Variants in CADPS2 observed in about 807,000 individuals in gnomAD.
CADPS2 encodes the protein calcium dependent secretion activator 2.
A neutral mutation model predicts 172.5 loss-of-function variants in CADPS2; 93 were observed. The ratio of observed to expected loss-of-function variants is 0.54; its 90% confidence interval spans 0.46 to 0.64. CADPS2 has a LOEUF of 0.64. Among genes scored for constraint, CADPS2 ranks in the 30% least tolerant of loss-of-function variants. CADPS2 has a pLI of 0.00. For missense variants in CADPS2, 1,420 were observed against 1,565.9 expected (o/e 0.91, Z 1.57); for synonymous variants, 546 against 555.2 (o/e 0.98, Z 0.23).
chr7:122,787,236 C>A (rs1000140320), intron 1 of CADPS2, among the ~76,000 whole-genome samples: 5 of 152,104 alleles, frequency 3.3e-5, no homozygotes, highest in Admixed American at 6.6e-5. Flanking sequence ...ACCCCCAACC[C>A]CAAGAAAAAG....
intron 15 of CADPS2, among the ~76,000 whole-genome samples, chr7:122,444,763 A>C (rs1164997913): frequency 6.6e-6 from 1 of 152,196 alleles, no homozygotes; most frequent in African/African-American, 2.4e-5. Flanking sequence ...TTTTATTCTA[A>C]CAATGTCTTT....
intron 7 of CADPS2, among the ~76,000 whole-genome samples, chr7:122,557,225 T>A (rs986528068): frequency 3.9e-5 from 6 of 152,168 alleles, no homozygotes; most frequent in Admixed American, 1.3e-4. Context: ...AAAGTGGTCA[T>A]ACTCCTTTAT....
At chr7:122,639,900 C>T (rs1277364280) in intron 3 of CADPS2, among the ~76,000 whole-genome samples, 1 of 152,146 alleles carries the variant, frequency 6.6e-6, no homozygotes, top group Non-Finnish European at 1.5e-5. Context: ...TAAGCAGCAT[C>T]TAGTCTCTGA....
At chr7:122,371,480 C>T (rs1163942438) in intron 25 of CADPS2, among the ~76,000 whole-genome samples, 1 of 152,168 alleles carries the variant, frequency 6.6e-6, no homozygotes, top group Non-Finnish European at 1.5e-5. Context: ...GACTCACTCA[C>T]TATCATGAGA....
At chr7:122,530,954 T>C (rs1330217890) in intron 8 of CADPS2, among the ~76,000 whole-genome samples, 1 of 152,118 alleles carries the variant, frequency 6.6e-6, no homozygotes, top group African/African-American at 2.4e-5. Context: ...TTCACATGTA[T>C]AGAATGCCAT....
chr7:122,754,135 C>T (rs955456899), intron 1 of CADPS2, among the ~76,000 whole-genome samples: 4 of 152,168 alleles, frequency 2.6e-5, no homozygotes, highest in African/African-American at 9.7e-5. Flanking sequence ...TCTTTGTTTA[C>T]ATGCAAATGT....
chr7:122,735,997 G>A (rs1297278235), intron 2 of CADPS2, among the ~76,000 whole-genome samples: 1 of 152,118 alleles, frequency 6.6e-6, no homozygotes, highest in Non-Finnish European at 1.5e-5. Context: ...ACAAGGTCCA[G>A]TTGGACATAC....
At chr7:122,379,286 A>G (rs1220508568) in intron 25 of CADPS2, 82 bp downstream of exon 25, 1 of 885,728 alleles carries the variant, frequency 1.1e-6, no homozygotes. Flanking sequence ...TTTTTTCTCA[A>G]TTAGATATTT....
intron 1 of CADPS2, among the ~76,000 whole-genome samples, chr7:122,845,847 G>A (rs532758546): frequency 6.6e-6 from 1 of 152,284 alleles, no homozygotes; most frequent in Non-Finnish European, 1.5e-5. Context: ...GCACCAATCT[G>A]AGATTCCATC....
intron 1 of CADPS2, among the ~76,000 whole-genome samples, chr7:122,829,722 G>A (rs1315689657): frequency 1.3e-5 from 2 of 151,576 alleles, no homozygotes; most frequent in Non-Finnish European, 1.5e-5. Context: ...TTTGAAAGGT[G>A]TCTTTTAAGA....
intron 2 of CADPS2, among the ~76,000 whole-genome samples, chr7:122,719,001 T>C (rs563259384): frequency 6.7e-6 from 1 of 148,772 alleles, no homozygotes; most frequent in Admixed American, 6.7e-5. Flanking sequence ...TGACATCCTA[T>C]GCCATAAATG....
intron 9 of CADPS2, among the ~76,000 whole-genome samples, chr7:122,508,875 G>T (rs995731854): frequency 6.6e-6 from 1 of 152,136 alleles, no homozygotes; most frequent in Non-Finnish European, 1.5e-5. Context: ...AGTGCTGGCA[G>T]GAGTGTTGAA....
intron 1 of CADPS2, among the ~76,000 whole-genome samples, chr7:122,796,219 C>T (rs913140038): frequency 1.3e-5 from 2 of 152,102 alleles, no homozygotes; most frequent in Non-Finnish European, 2.9e-5. Flanking sequence ...ATGACACAAA[C>T]AAATAGGAAA....
intron 11 of CADPS2, among the ~76,000 whole-genome samples, chr7:122,488,495 T>C (rs769060759): frequency 1.3e-5 from 2 of 152,242 alleles, no homozygotes; most frequent in Non-Finnish European, 2.9e-5. Context: ...CATAGGTGTC[T>C]GGAGTTGATC....
intron 2 of CADPS2, among the ~76,000 whole-genome samples, chr7:122,664,721 A>G (rs1388001860): frequency 6.6e-6 from 1 of 152,222 alleles, no homozygotes; most frequent in Non-Finnish European, 1.5e-5. Flanking sequence ...CTGCAGGACA[A>G]TTTAATAGAA....
chr7:122,386,342 G>A lies in CADPS2; in HGVS notation c.3312+684C>T, dbSNP rs958941377. 5.2e-6 allele frequency: 7 copies of A among 1,347,230 alleles called. No homozygotes were observed. In the African/African-American group the frequency reaches 9.1e-5, roughly 18 times the overall value. 83.5% of individuals were successfully genotyped at this position (1,347,230 alleles called of 1,614,324 possible). On this transcript the variant is annotated intron_variant, in intron 24 of 29. Transcript: ENST00000449022. ...ATGCCATGGGTGGAAAAAAAAAGATGATGAAAGAGAACAGAAGGGAAGAAT... is the reference window on the plus strand; with the variant it reads ...ATGCCATGGGTGGAAAAAAAAAGATAATGAAAGAGAACAGAAGGGAAGAAT...
intron 1 of CADPS2, among the ~76,000 whole-genome samples, chr7:122,780,955 T>C (rs1036054657): frequency 6.6e-6 from 1 of 152,222 alleles, no homozygotes; most frequent in Non-Finnish European, 1.5e-5. Context: ...GGATTAAGTT[T>C]CATATGTGGG....
At chr7:122,778,974 T>C (rs1360579614) in intron 1 of CADPS2, among the ~76,000 whole-genome samples, 1 of 152,090 alleles carries the variant, frequency 6.6e-6, no homozygotes, top group African/African-American at 2.4e-5. Flanking sequence ...GCAGTGGGTT[T>C]TTCCCATGCT....
At chr7:122,364,726 C>CA (rs376223248) in intron 25 of CADPS2, among the ~76,000 whole-genome samples, 83,745 of 137,042 alleles carry the variant, frequency 0.61, 24,346 homozygotes, top group African/African-American at 0.65. Context: ...GACTCCATCT[C>CA]AAAAAAAAAA....
Sources: allele counts gnomAD v4.1 joint callset (sites outside exome capture counted in the v4.1 genomes callset), GRCh38; gene constraint gnomAD v4.1.1; transcripts MANE v1.5; gene names NCBI Gene and HGNC (gene_info 2026-07-23, HGNC 2026-07-21).